The following GSS variants were observed in gnomAD, a reference collection of about 807,000 sequenced individuals.
GSS encodes GSH synthetase.
GSS carries 34 observed loss-of-function variants against 60.4 expected under a neutral mutation model. The ratio of observed to expected loss-of-function variants is 0.56; its 90% CI spans 0.43 to 0.75. The LOEUF (loss-of-function observed/expected upper bound fraction) is 0.75. Among genes scored for constraint, GSS ranks in the 30% least tolerant of loss-of-function variants. The probability of loss-of-function intolerance (pLI) is 0.00; values close to 1 mark genes in which losing one functional copy is unlikely to be tolerated. For missense variants in GSS, 499 were observed against 595.1 expected (o/e 0.84, Z 1.68); for synonymous variants, 224 against 239.0 (o/e 0.94, Z 0.58).
intron 3 of GSS, 107 bp downstream of exon 3, chr20:34,945,846 C>G (rs1024728435): frequency 5.8e-5 from 72 of 1,234,894 alleles, no homozygotes; most frequent in Admixed American, 1.2e-4. Flanking sequence ...GGTACCTTTC[C>G]TCTATCCCAC....
chr20:34,931,710 C>A, intron 10 of GSS: 1 of 621,898 alleles, frequency 1.6e-6, no homozygotes, highest in South Asian at 1.9e-5. Flanking sequence ...TGGTTGCCAT[C>A]CTCATCTCTA....
At chr20:34,946,859 T>C (rs903340940) in intron 2 of GSS, 1 of 152,168 alleles carries the variant, frequency 6.6e-6, no homozygotes, top group Non-Finnish European at 1.5e-5. Context: ...GACTTTATCA[T>C]AGACGAGAAA....
intron 11 of GSS, 22 bp from the exon 12 acceptor site, chr20:34,929,612 A>G (rs1600376423): frequency 6.2e-7 from 1 of 1,604,256 alleles, no homozygotes; most frequent in African/African-American, 1.3e-5. Context: ...CTGGCCAGTC[A>G]CCCTGGACCC....
rs34852238 is a variant in GSS, at chr20:34,928,944, T to C, written c.1309A>G (p.Lys437Glu). 1.7e-5 allele frequency: 27 copies of C among 1,613,248 alleles called. No homozygotes were observed. In the African/African-American group the frequency reaches 3.5e-4, roughly 21 times the overall value. Reference protein sequence around the residue: ...GIFGVYVRQEKTLVMNKHVGH... With the variant: ...GIFGVYVRQEETLVMNKHVGH... ...ACGTGCTTGTTCATCACGAGTGTCT[T>C]TTCCTGCCTATAGAAATGGAGGCAG... The change falls in exon 13 of 13, where the codon AAG becomes GAG. Residue 437 changes from lysine to glutamate, a missense_variant. Lys to Glu is a moderately conservative substitution (Grantham distance 56). Transcript: ENST00000651619.
intron 12 of GSS, 90 bp downstream of exon 12, chr20:34,929,311 G>T (rs2081379772): frequency 2.7e-6 from 3 of 1,098,210 alleles, no homozygotes; most frequent in Non-Finnish European, 4.2e-6. Context: ...CAGGATTCCT[G>T]ACTCTTTCCA....
intron 1 of GSS, chr20:34,954,951 C>G (rs1407879731): frequency 6.5e-6 from 1 of 152,824 alleles, no homozygotes; most frequent in Non-Finnish European, 1.5e-5. Flanking sequence ...AGCCTAGCCC[C>G]GGCCACTGTC....
chr20:34,951,980 C>A, intron 1 of GSS, 120 bp from the exon 2 acceptor site: 3 of 989,316 alleles, frequency 3.0e-6, no homozygotes, highest in Non-Finnish European at 1.6e-6. Flanking sequence ...AAGGGAACAG[C>A]GTGGTATACA....
intron 1 of GSS, among the ~76,000 whole-genome samples, chr20:34,953,071 T>C (rs544985986): frequency 3.9e-5 from 6 of 152,206 alleles, no homozygotes; most frequent in Non-Finnish European, 8.8e-5. Context: ...GTTGTCTGAT[T>C]GGTTGCCCAG....
rs2081377986 is a variant in GSS at position 34,929,144 on chromosome 20, G to T, written c.1302-193C>A. On this transcript the variant is annotated intron_variant, in intron 12 of 12. Transcript: ENST00000651619. Reference sequence around the variant, plus strand: ...AAACCATGTGTTCTGAGTCCTCTTGGTGCTATTTGGAGTTTCCTTCACGGT... The same window carrying T: ...AAACCATGTGTTCTGAGTCCTCTTGTTGCTATTTGGAGTTTCCTTCACGGT... The T allele has an allele frequency of 4.1e-6, 3 of 729,358 alleles. No individual in the cohort carries two copies. In the East Asian group the frequency reaches 8.0e-5, roughly 20 times the overall value. 45.2% of individuals were successfully genotyped at this position (729,358 alleles called of 1,614,324 possible).
intron 8 of GSS, 72 bp downstream of exon 8, chr20:34,936,691 T>C (rs2081442995): frequency 2.9e-6 from 3 of 1,039,606 alleles, no homozygotes; most frequent in Non-Finnish European, 4.6e-6. Flanking sequence ...GAAGAAAGAA[T>C]CATTTTGGGG....
intron 10 of GSS, chr20:34,931,725 T>TGTAA: frequency 1.6e-6 from 1 of 625,612 alleles, no homozygotes; most frequent in Middle Eastern, 4.3e-4. Context: ...TCTCTACCTT[T>TGTAA]GCTGAGGGAG....
chr20:34,951,128 A>G (rs2081565486), intron 2 of GSS, among the ~76,000 whole-genome samples: 1 of 152,218 alleles, frequency 6.6e-6, no homozygotes, highest in African/African-American at 2.4e-5. Flanking sequence ...GAGGGAAGCT[A>G]AACTGTGATA....
chr20:34,928,984 C>T, intron 12 of GSS, 33 bp from the exon 13 acceptor site: 2 of 1,612,314 alleles, frequency 1.2e-6, no homozygotes, highest in Non-Finnish European at 1.7e-6. Flanking sequence ...CACACATCAC[C>T]TGGACTCAGC....
intron 2 of GSS, among the ~76,000 whole-genome samples, chr20:34,949,206 G>A (rs368314298): frequency 3.3e-5 from 5 of 152,208 alleles, no homozygotes; most frequent in East Asian, 3.9e-4. Context: ...GTATTTGAAC[G>A]TATTACTTAT....
intron 3 of GSS, among the ~76,000 whole-genome samples, chr20:34,943,659 A>T (rs2081501724): frequency 6.6e-6 from 1 of 152,190 alleles, no homozygotes; most frequent in Non-Finnish European, 1.5e-5. Flanking sequence ...TATCTGAGTC[A>T]GATCCCCCTA....
chr20:34,947,093 T>C lies in GSS; in HGVS notation c.130-995A>G, dbSNP rs35546710. 4.1e-3 allele frequency among the ~76,000 whole-genome samples: 619 copies of C among 152,202 alleles called. 1 individual carries two copies. Among genetic ancestry groups the C allele is most frequent in the African/African-American group, 0.014 (588 of 41,494 alleles). On this transcript the variant is annotated intron_variant, in intron 2 of 12. Coordinates refer to ENST00000651619, the MANE Select transcript of GSS (RefSeq NM_000178.4). ...ATTTAGATATTTATTTTTAAAGTAC[T>C]ATTTTTTTTTTTGAGGTAGAGTCTC...
chr20:34,929,735 A>G (rs2081385478), intron 11 of GSS, 145 bp from the exon 12 acceptor site: 1 of 769,226 alleles, frequency 1.3e-6, no homozygotes, highest in East Asian at 2.5e-5. Flanking sequence ...GCTTCTCAGG[A>G]GGGAAGCTCA....
intron 1 of GSS, chr20:34,954,836 G>A (rs2081607514): frequency 6.5e-6 from 1 of 153,718 alleles, no homozygotes; most frequent in African/African-American, 2.4e-5. Context: ...CCCAAGCCTT[G>A]AGTACTTGTT....
intron 3 of GSS, among the ~76,000 whole-genome samples, chr20:34,945,313 G>A (rs1014800378): frequency 4.6e-5 from 7 of 150,918 alleles, no homozygotes; most frequent in Admixed American, 3.3e-4. Flanking sequence ...CTGAGCCACC[G>A]CGCCCAGCCT....
Sources: allele counts gnomAD v4.1 joint callset (sites outside exome capture counted in the v4.1 genomes callset), GRCh38; gene constraint gnomAD v4.1.1; transcripts MANE v1.5; gene names NCBI Gene and HGNC (gene_info 2026-07-23, HGNC 2026-07-21).